Variants in RPS6KA2 observed in about 807,000 individuals in gnomAD.
RPS6KA2 encodes the protein ribosomal protein S6 kinase alpha-2.
RPS6KA2 carries 42 observed loss-of-function variants against 91.8 expected under a neutral mutation model. The observed-to-expected ratio is 0.46, with a 90% CI of 0.36 to 0.59. The LOEUF (loss-of-function observed/expected upper bound fraction) is 0.59. Ranked by LOEUF, RPS6KA2 falls within the 20% of genes least tolerant of loss-of-function variation. The pLI, the probability that RPS6KA2 is intolerant of heterozygous loss-of-function variation, is 0.00. For missense variants in RPS6KA2, 798 were observed against 978.5 expected (o/e 0.82, Z 2.46); for synonymous variants, 414 against 393.6 (o/e 1.05, Z -0.61).
intron 1 of RPS6KA2, among the ~76,000 whole-genome samples, chr6:166,545,546 A>T (rs1022380266): frequency 2.0e-5 from 3 of 152,182 alleles, no homozygotes; most frequent in Non-Finnish European, 2.9e-5. Context: ...AAGCAGCAAA[A>T]CCAGCCTTGG....
rs1403645754 is a variant in RPS6KA2 at position 166,626,707 on chromosome 6, C to A, written c.99+214G>T. 6.6e-6 allele frequency among the ~76,000 whole-genome samples: 1 copy of A among 152,208 alleles called. No individual in the cohort carries two copies. The highest frequency in any genetic ancestry group is 1.5e-5 in the Non-Finnish European group (1 of 68,042). On this transcript the variant is annotated intron_variant, in intron 1 of 20. Coordinates refer to ENST00000265678, the MANE Select transcript of RPS6KA2 (RefSeq NM_021135.6). This position sits in a 1 kb window ranked among gnomAD's most constrained non-coding sequence, Gnocchi z 4.1. The stretch of plus-strand genomic sequence containing the variant: ...TGGAAATGCAGTGGGGGTGGAGTTG[C>A]CCCCGCGAGGACCCACGGACCGCCC...
intron 1 of RPS6KA2, among the ~76,000 whole-genome samples, chr6:166,615,982 C>A (rs1005248426): frequency 2.0e-5 from 3 of 152,182 alleles, no homozygotes; most frequent in South Asian, 2.1e-4. Context: ...TAAATGACGA[C>A]GCTTTTTAGA....
At chr6:166,532,844 A>AGAGAGAGTGTGT (rs573257516) in intron 2 of RPS6KA2, among the ~76,000 whole-genome samples, 8 of 149,480 alleles carry the variant, frequency 5.4e-5, no homozygotes, top group African/African-American at 2.0e-4. Context: ...AGAGAGAGAG[A>AGAGAGAGTGTGT]GTGTGTGTGT....
chr6:166,586,044 A>G, intron 1 of RPS6KA2: 2 of 708,642 alleles, frequency 2.8e-6, no homozygotes, highest in Non-Finnish European at 2.1e-6. Context: ...ATGTAAAACT[A>G]TGACCAACAG....
At chr6:166,560,595 A>G (rs1784314289) in intron 1 of RPS6KA2, among the ~76,000 whole-genome samples, 1 of 151,850 alleles carries the variant, frequency 6.6e-6, no homozygotes, top group African/African-American at 2.4e-5. Context: ...ATCACAAAAC[A>G]CACACCCATT....
intron 2 of RPS6KA2, among the ~76,000 whole-genome samples, chr6:166,712,638 GCCT>G (rs763516707): frequency 3.9e-5 from 6 of 152,216 alleles, no homozygotes; most frequent in Non-Finnish European, 7.3e-5. Flanking sequence ...AGTAGTGTGA[GCCT>G]CTCACGCCAT....
At chr6:166,457,606 T>C (rs1330263472) in intron 12 of RPS6KA2, among the ~76,000 whole-genome samples, 1 of 152,146 alleles carries the variant, frequency 6.6e-6, no homozygotes, top group African/African-American at 2.4e-5. Context: ...GAGCAGCCGG[T>C]GGCATGACTC....
At chr6:166,739,168 G>A (rs1479141716) in intron 2 of RPS6KA2, among the ~76,000 whole-genome samples, 1 of 152,204 alleles carries the variant, frequency 6.6e-6, no homozygotes, top group East Asian at 1.9e-4. Context: ...TATCTGCAGT[G>A]AGTCACTCAG....
At chr6:166,739,661 C>G (rs1190330387) in intron 2 of RPS6KA2, among the ~76,000 whole-genome samples, 1 of 152,244 alleles carries the variant, frequency 6.6e-6, no homozygotes, top group Non-Finnish European at 1.5e-5. Context: ...GTCATTGAGA[C>G]CAATCACACT....
intron 1 of RPS6KA2, among the ~76,000 whole-genome samples, chr6:166,576,448 G>T (rs764902018): frequency 6.6e-6 from 1 of 152,190 alleles, no homozygotes; most frequent in Non-Finnish European, 1.5e-5. Context: ...TGATAATGAC[G>T]TAGACAATAA....
At chr6:166,551,963 C>CAATG (rs1342656264) in intron 1 of RPS6KA2, among the ~76,000 whole-genome samples, 37 of 152,348 alleles carry the variant, frequency 2.4e-4, no homozygotes, top group African/African-American at 8.4e-4. Flanking sequence ...TGACACAGCA[C>CAATG]AATGCCCTTG....
chr6:166,537,882 G>A (rs1783531300), intron 2 of RPS6KA2, among the ~76,000 whole-genome samples: 3 of 152,236 alleles, frequency 2.0e-5, no homozygotes, highest in African/African-American at 7.2e-5. Context: ...AACCCAAGGA[G>A]GCAGAGAAAT....
chr6:166,528,692 G>A (rs1283914131), intron 3 of RPS6KA2, among the ~76,000 whole-genome samples: 1 of 151,902 alleles, frequency 6.6e-6, no homozygotes, highest in African/African-American at 2.4e-5. Context: ...CTAATATCCA[G>A]AATCTACAAA....
At chr6:166,764,648 T>C (rs1207378105) in intron 2 of RPS6KA2, among the ~76,000 whole-genome samples, 3 of 152,086 alleles carry the variant, frequency 2.0e-5, no homozygotes. Flanking sequence ...GTGGCTGCAC[T>C]TCCCCAGGCA....
Position 166,825,799 on chromosome 6 carries a change from C to G in RPS6KA2, c.123+32401G>C, listed in dbSNP as rs1432517526. Among the ~76,000 whole-genome samples, 1 of 152,196 alleles carries G rather than the reference C, an allele frequency of 6.6e-6. No homozygotes were observed. The highest frequency in any genetic ancestry group is 1.5e-5 in the Non-Finnish European group (1 of 68,040). ...GAACCCATCATCTCCCGAGGCCCCACCTCCCAATACCATCACCTTGAGGGT... is the reference window on the plus strand; with the variant it reads ...GAACCCATCATCTCCCGAGGCCCCAGCTCCCAATACCATCACCTTGAGGGT... On this transcript the variant is annotated intron_variant, in intron 2 of 21. Transcript: ENST00000503859. This position sits in a 1 kb window ranked among gnomAD's most constrained non-coding sequence, Gnocchi z 4.1.
At chr6:166,605,638 T>C (rs3799584) in intron 1 of RPS6KA2, among the ~76,000 whole-genome samples, 52,287 of 152,036 alleles carry the variant, frequency 0.34, 9,218 homozygotes, top group East Asian at 0.48. Context: ...ATGTAGAGTA[T>C]GATTTAATGT....
At chr6:166,807,444 CGT>C (rs1378392255) in intron 2 of RPS6KA2, among the ~76,000 whole-genome samples, 1 of 152,130 alleles carries the variant, frequency 6.6e-6, no homozygotes, top group East Asian at 1.9e-4. Context: ...CCACCTCTGG[CGT>C]GGAGGGTTGC....
In RPS6KA2 at chr6:166,423,843, C is replaced by A. The variant is rs747875462; in HGVS notation, c.1582-426G>T. 6.3e-6 allele frequency: 1 copy of A among 158,862 alleles called. No individual in the cohort carries two copies. Among genetic ancestry groups the A allele is most frequent in the African/African-American group, 2.4e-5 (1 of 41,578 alleles). 9.8% of individuals were successfully genotyped at this position (158,862 alleles called of 1,614,324 possible). ...TGCACTGTGAGGTGTTGGAGCAGCACCAGTGAGCAGCACAGATCAGGCACC... is the reference window on the plus strand; with the variant it reads ...TGCACTGTGAGGTGTTGGAGCAGCAACAGTGAGCAGCACAGATCAGGCACC... On this transcript the variant is annotated intron_variant, in intron 16 of 20. Transcript: ENST00000265678. This position sits in a 1 kb window ranked among gnomAD's most constrained non-coding sequence, Gnocchi z 4.8.
intron 2 of RPS6KA2, among the ~76,000 whole-genome samples, chr6:166,652,820 T>A (rs1042428681): frequency 5.9e-5 from 9 of 152,322 alleles, no homozygotes; most frequent in East Asian, 1.9e-4. Context: ...GAAGCTTTTT[T>A]AAATTCAGCA....
Sources: gnomAD v4.1 joint callset for allele counts (sites outside exome capture counted in the v4.1 genomes callset) on GRCh38, gnomAD v4.1.1 for gene constraint, Gnocchi (gnomAD v3.1) non-coding constraint, MANE v1.5 for transcripts, NCBI Gene and HGNC (gene_info 2026-07-23, HGNC 2026-07-21) for gene names.